The following CYFIP2 variants were observed in gnomAD, a reference collection of about 807,000 sequenced individuals.
CYFIP2 encodes the protein cytoplasmic FMR1-interacting protein 2.
CYFIP2 carries 29 observed loss-of-function variants against 158.7 expected under a neutral mutation model. The observed-to-expected ratio is 0.18, with a 90% confidence interval of 0.14 to 0.25. CYFIP2 has a LOEUF of 0.25. CYFIP2 is among the 10% of genes least tolerant of loss of function. The probability of loss-of-function intolerance (pLI) is 1.00; values close to 1 mark genes in which losing one functional copy is unlikely to be tolerated. For synonymous variants in CYFIP2, 585 were observed against 617.6 expected (o/e 0.95, Z 0.78); for missense variants, 852 against 1,639.5 (o/e 0.52, Z 8.29).
At chr5:157,373,535 A>G (rs1045289218) in intron 26 of CYFIP2, among the ~76,000 whole-genome samples, 2 of 152,216 alleles carry the variant, frequency 1.3e-5, no homozygotes, top group African/African-American at 4.8e-5. Context: ...GCATGCTCTG[A>G]GAGCTGGTAC....
At chr5:157,322,184 C>T (rs1289366688) in intron 15 of CYFIP2, among the ~76,000 whole-genome samples, 3 of 152,122 alleles carry the variant, frequency 2.0e-5, no homozygotes, top group Non-Finnish European at 4.4e-5. Flanking sequence ...ATTAGAGAAA[C>T]CTAGGCCCTC....
At chr5:157,364,944 A>G (rs1764227282) in intron 26 of CYFIP2, 1 of 152,242 alleles carries the variant, frequency 6.6e-6, no homozygotes, top group Admixed American at 6.5e-5. Flanking sequence ...AAGCTGATAA[A>G]GTAGTTTTGC....
At chr5:157,341,491 G>A (rs988684291) in intron 23 of CYFIP2, 4 of 304,504 alleles carry the variant, frequency 1.3e-5, no homozygotes, top group African/African-American at 2.2e-5. Context: ...GTGTTATGCT[G>A]CAGTGAGCAT....
intron 1 of CYFIP2, among the ~76,000 whole-genome samples, chr5:157,280,363 A>ATTTTTTTTTTTTTTT (rs57893061): frequency 3.8e-4 from 50 of 133,178 alleles, no homozygotes; most frequent in East Asian, 6.5e-4. Context: ...CGCCTGGCTA[A>ATTTTTTTTTTTTTTT]TTTTTTTTTT....
intron 28 of CYFIP2, chr5:157,384,914 T>G (rs1219847791): frequency 8.2e-6 from 1 of 121,276 alleles, no homozygotes; most frequent in Non-Finnish European, 1.5e-5. Context: ...CACTCCAGCC[T>G]GGGCAACAGA....
intron 3 of CYFIP2, chr5:157,288,572 T>G (rs1157735688): frequency 8.8e-6 from 4 of 455,734 alleles, no homozygotes; most frequent in Admixed American, 2.4e-5. Context: ...AAGTGGGAAA[T>G]AGATAAGCTT....
intron 16 of CYFIP2, 137 bp downstream of exon 16, chr5:157,324,211 A>C (rs1760833212): frequency 3.8e-6 from 4 of 1,053,342 alleles, no homozygotes; most frequent in African/African-American, 1.6e-5. Flanking sequence ...CCAAGGAAAA[A>C]ACACATACAC....
At chr5:157,296,570 G>T (rs1048514832) in intron 4 of CYFIP2, 103 bp from the exon 5 acceptor site, 5 of 1,076,524 alleles carry the variant, frequency 4.6e-6, no homozygotes, top group Non-Finnish European at 7.0e-6. Flanking sequence ...CTCTAGCCTG[G>T]ACAACAGAGC....
chr5:157,372,784 G>C (rs1765112041), intron 26 of CYFIP2, among the ~76,000 whole-genome samples: 1 of 152,174 alleles, frequency 6.6e-6, no homozygotes, highest in Admixed American at 6.5e-5. Flanking sequence ...AAGCTGGCCG[G>C]TCCAAATTAG....
Position 157,383,299 on chromosome 5 carries a change from G to A in CYFIP2, c.3147G>A (p.Leu1049=). ...GCCTGGAGGTCCGGATGAAACGTCT[G>A]GAAGCCAAGTATGCCCCGCTCCACC... ...GERLEVRMKR[L]EAKYAPLHLV... is the part of the protein sequence containing the mutation. Residue 1049 remains leucine, a synonymous_variant, in exon 28 of 31, where the codon CTG becomes CTA. Transcript: ENST00000620254. The A allele has an allele frequency of 6.2e-7, 1 of 1,613,872 alleles. No individual in the cohort carries two copies. Among genetic ancestry groups the A allele is most frequent in the Non-Finnish European group, 8.5e-7 (1 of 1,179,864 alleles).
chr5:157,378,360 G>A (rs1291774764), intron 26 of CYFIP2, among the ~76,000 whole-genome samples: 1 of 152,176 alleles, frequency 6.6e-6, no homozygotes, highest in African/African-American at 2.4e-5. Flanking sequence ...ACAGTTTCAA[G>A]AATGTTAGTT....
chr5:157,274,049 C>G (rs976187657), intron 1 of CYFIP2, among the ~76,000 whole-genome samples: 1 of 149,416 alleles, frequency 6.7e-6, no homozygotes, highest in South Asian at 2.1e-4. Context: ...GCAGGAGAAT[C>G]GTTTGAACCC....
chr5:157,335,802 C>T (rs911118433), intron 21 of CYFIP2, among the ~76,000 whole-genome samples: 2 of 151,810 alleles, frequency 1.3e-5, no homozygotes, highest in Non-Finnish European at 1.5e-5. Flanking sequence ...CTCCAAGTGG[C>T]GGGATTTTTT....
At chr5:157,307,136 A>G (rs1561710885) in intron 8 of CYFIP2, among the ~76,000 whole-genome samples, 5 of 152,182 alleles carry the variant, frequency 3.3e-5, no homozygotes, top group Non-Finnish European at 7.3e-5. Flanking sequence ...CAAATTCAGG[A>G]AGAGATTTTT....
At chr5:157,392,591 T>C (rs1767418788) in intron 30 of CYFIP2, among the ~76,000 whole-genome samples, 1 of 152,212 alleles carries the variant, frequency 6.6e-6, no homozygotes, top group Admixed American at 6.5e-5. Flanking sequence ...ATCTACCTTT[T>C]TACCAGTGCC....
intron 7 of CYFIP2, 95 bp from the exon 8 acceptor site, chr5:157,304,143 G>A: frequency 1.4e-6 from 2 of 1,454,078 alleles, no homozygotes; most frequent in Non-Finnish European, 1.8e-6. Context: ...CCATCAGCGG[G>A]GACCACACCG....
chr5:157,312,321 T>C (rs1039025697), intron 11 of CYFIP2, among the ~76,000 whole-genome samples: 1 of 151,864 alleles, frequency 6.6e-6, no homozygotes, highest in Non-Finnish European at 1.5e-5. Context: ...TTTCCTTTTT[T>C]AAAAACTTTT....
intron 26 of CYFIP2, among the ~76,000 whole-genome samples, chr5:157,379,295 G>A (rs1264956784): frequency 1.3e-5 from 2 of 151,892 alleles, no homozygotes; most frequent in African/African-American, 2.4e-5. Flanking sequence ...TTGGTAACAG[G>A]ATTTAGTATC....
At chr5:157,338,648 C>T (rs577558037) in intron 21 of CYFIP2, among the ~76,000 whole-genome samples, 1 of 152,280 alleles carries the variant, frequency 6.6e-6, no homozygotes, top group African/African-American at 2.4e-5. Flanking sequence ...AAACAAGTAA[C>T]GTCATAGGGT....
Sources: gnomAD v4.1 joint callset for allele counts (sites outside exome capture counted in the v4.1 genomes callset) on GRCh38, gnomAD v4.1.1 for gene constraint, MANE v1.5 for transcripts, NCBI Gene and HGNC (gene_info 2026-07-23, HGNC 2026-07-21) for gene names.